The following SEZ6L variants were observed in gnomAD, a reference collection of about 807,000 sequenced individuals.
SEZ6L encodes seizure 6-like protein.
A neutral mutation model predicts 106.2 loss-of-function variants in SEZ6L; 37 were observed. That is an observed-to-expected ratio of 0.35 (90% CI 0.27 to 0.46). The LOEUF (loss-of-function observed/expected upper bound fraction) is 0.46, where lower values mean the gene tolerates loss of function less well. Ranked by LOEUF, SEZ6L falls within the 20% of genes least tolerant of loss-of-function variation. SEZ6L has a pLI of 1.00. For missense variants in SEZ6L, 1,172 were observed against 1,332.8 expected (o/e 0.88, Z 1.88); for synonymous variants, 541 against 570.4 (o/e 0.95, Z 0.73).
chr22:26,373,670 C>G (rs1293304677), intron 14 of SEZ6L, among the ~76,000 whole-genome samples, 187 bp downstream of exon 14: 3 of 152,016 alleles, frequency 2.0e-5, no homozygotes, highest in Non-Finnish European at 4.4e-5. Flanking sequence ...AAGTCAGGAC[C>G]CTAACAATAA....
chr22:26,340,118 C>G (rs2082779564), intron 9 of SEZ6L, among the ~76,000 whole-genome samples: 1 of 152,102 alleles, frequency 6.6e-6, no homozygotes, highest in Admixed American at 6.5e-5. Context: ...CACCTGTAGT[C>G]CCAGCTACTC....
intron 1 of SEZ6L, among the ~76,000 whole-genome samples, chr22:26,196,495 G>T (rs1018912583): frequency 6.6e-6 from 1 of 152,300 alleles, no homozygotes; most frequent in East Asian, 1.9e-4. Flanking sequence ...TCAGAAATGG[G>T]GTGGAAGACA....
At chr22:26,345,376 C>T (rs2082973032) in intron 10 of SEZ6L, among the ~76,000 whole-genome samples, 1 of 152,152 alleles carries the variant, frequency 6.6e-6, no homozygotes. Context: ...ACAGGAGGTC[C>T]CACGGGAGCG....
intron 1 of SEZ6L, among the ~76,000 whole-genome samples, chr22:26,190,054 G>A (rs1252460384): frequency 1.3e-5 from 2 of 150,816 alleles, no homozygotes; most frequent in African/African-American, 2.4e-5. Context: ...CCAAGATGGC[G>A]CCACTGCACT....
chr22:26,346,922 A>G (rs761552542), intron 10 of SEZ6L, among the ~76,000 whole-genome samples: 1 of 152,144 alleles, frequency 6.6e-6, no homozygotes, highest in Non-Finnish European at 1.5e-5. Flanking sequence ...TGCTGGGCAC[A>G]GTGGCTCATG....
At chr22:26,205,381 T>G (rs1941222416) in intron 1 of SEZ6L, among the ~76,000 whole-genome samples, 1 of 152,234 alleles carries the variant, frequency 6.6e-6, no homozygotes, top group African/African-American at 2.4e-5. Context: ...TAAAATGTGC[T>G]CCCCACTCCT....
At chr22:26,369,265 G>A (rs4293647) in intron 13 of SEZ6L, among the ~76,000 whole-genome samples, 85,391 of 149,398 alleles carry the variant, frequency 0.57, 25,294 homozygotes, top group East Asian at 0.95. Context: ...ACACTAGCAT[G>A]AGGGTTGCAA....
At chr22:26,185,391 C>T (rs1347463222) in intron 1 of SEZ6L, among the ~76,000 whole-genome samples, 1 of 152,138 alleles carries the variant, frequency 6.6e-6, no homozygotes, top group East Asian at 1.9e-4. Context: ...TGCTGTGTGA[C>T]CTTGGGCCCA....
chr22:26,380,266 G>A lies in SEZ6L; in HGVS notation c.3046G>A (p.Glu1016Lys). The A allele has an allele frequency of 6.2e-7, 1 of 1,613,632 alleles. No individual in the cohort carries two copies. Among genetic ancestry groups the A allele is most frequent in the Non-Finnish European group, 8.5e-7 (1 of 1,179,648 alleles). Residue 1016 changes from glutamate to lysine, a missense_variant and splice_region_variant, in exon 17 of 17, where the codon GAA (glutamate) becomes AAA (lysine). Glu to Lys is a moderately conservative substitution (Grantham distance 56, BLOSUM62 1). This residue lies in a region of SEZ6L where 141 missense variants were observed against 176.0 expected (regional missense o/e 0.80). Coordinates refer to ENST00000248933, the MANE Select transcript of SEZ6L (RefSeq NM_021115.5). ...AAATCCGTGCTTCTCTCTCTTGCAG[G>A]AAACCAGAGAGTATGAGGTTTCTAT... ...EFDNPIYETG[E>K]TREYEVSI
intron 12 of SEZ6L, 181 bp downstream of exon 12, chr22:26,351,424 A>G: frequency 1.9e-6 from 1 of 526,738 alleles, no homozygotes; most frequent in Admixed American, 3.6e-5. Context: ...TAACATTTAC[A>G]GTAAATTTAT....
chr22:26,372,389 A>G (rs669318), intron 13 of SEZ6L, among the ~76,000 whole-genome samples: 96,974 of 152,094 alleles, frequency 0.64, 32,606 homozygotes, highest in East Asian at 0.98. Context: ...ATCTTGGGGC[A>G]GGACCATCTG....
chr22:26,169,687 G>A lies in SEZ6L; in HGVS notation c.18G>A (p.Pro6=). The A allele has an allele frequency of 7.6e-6, 10 of 1,315,410 alleles. No individual in the cohort carries two copies. Among genetic ancestry groups the A allele is most frequent in the South Asian group, 4.2e-5 (2 of 47,436 alleles). 81.5% of individuals were successfully genotyped at this position (1,315,410 alleles called of 1,614,324 possible). A position where few individuals can be genotyped will look rare whatever the true frequency, so the allele number is the denominator to read the frequency against. The change falls in exon 1 of 17, where the codon CCG becomes CCA. Residue 6 remains proline, a synonymous_variant. Transcript: ENST00000248933. MPAAR[P]PAAGLRGISL... is the part of the protein sequence containing the mutation. Reference sequence around the variant, plus strand: ...CAGCCACGATGCCCGCGGCCCGGCCGCCCGCCGCGGGACTCCGCGGGATCT... The same window carrying A: ...CAGCCACGATGCCCGCGGCCCGGCCACCCGCCGCGGGACTCCGCGGGATCT...
At chr22:26,281,122 T>C (rs1453084896) in intron 1 of SEZ6L, among the ~76,000 whole-genome samples, 1 of 152,208 alleles carries the variant, frequency 6.6e-6, no homozygotes, top group African/African-American at 2.4e-5. Context: ...AGGAGGGCTC[T>C]GCCCTCACAA....
rs995245162 is a variant in SEZ6L, at chr22:26,208,168, G to T, written c.94+38405G>T. Among the ~76,000 whole-genome samples, 54 of 152,104 alleles carry T rather than the reference G, an allele frequency of 3.6e-4. 1 individual carries two copies. Among genetic ancestry groups the T allele is most frequent in the Admixed American group, 1.3e-4 (2 of 15,276 alleles). ...CTGACCTCGTGATCCGCCCGTCTCG[G>T]CCTCCCAAAGTGCTGGGATTACAGG... On this transcript the variant is annotated intron_variant, in intron 1 of 16. Transcript: ENST00000248933.
chr22:26,228,930 T>C (rs761242401), intron 1 of SEZ6L, among the ~76,000 whole-genome samples: 24 of 152,192 alleles, frequency 1.6e-4, no homozygotes, highest in Non-Finnish European at 1.5e-5. Context: ...TCTTGAGGGA[T>C]TACCTATGAC....
At position 26,297,056 on chromosome 22, in the gene SEZ6L, G is replaced by C. The variant is rs1012071286; in HGVS notation, c.1138G>C (p.Gly380Arg). 6.2e-7 allele frequency: 1 copy of C among 1,613,196 alleles called. No individual in the cohort carries two copies. Among genetic ancestry groups the C allele is most frequent in the Non-Finnish European group, 8.5e-7 (1 of 1,179,542 alleles). Residue 380 changes from glycine to arginine, a missense_variant, in exon 4 of 17, where the codon GGG becomes CGG. Coordinates refer to ENST00000248933, the MANE Select transcript of SEZ6L (RefSeq NM_021115.5). ...CCGGACCTTCCAGGACGACGGCCTTGGGACCTTCCAGCTTCACTACCAGGG... is the reference window on the plus strand; with the variant it reads ...CCGGACCTTCCAGGACGACGGCCTTCGGACCTTCCAGCTTCACTACCAGGG... ...YFRTFQDDGL[G>R]TFQLHYQAFM... is the part of the protein sequence containing the mutation.
chr22:26,325,188 C>T (rs548178863), intron 9 of SEZ6L, among the ~76,000 whole-genome samples: 7 of 152,270 alleles, frequency 4.6e-5, no homozygotes, highest in South Asian at 4.2e-4. Flanking sequence ...GTGGCACAGC[C>T]GCACGTCTGC....
chr22:26,350,404 T>C lies in SEZ6L; in HGVS notation c.2408-648T>C, dbSNP rs376823204. Among the ~76,000 whole-genome samples the C allele has an allele frequency of 2.0e-5, 3 of 151,744 alleles. No individual in the cohort carries two copies. In the East Asian group the frequency reaches 5.8e-4, roughly 29 times the overall value. ...CACCATGCCCCATTAATTTTTGTAT[T>C]TTTTGTAGGGACCGGATCTTGCTGT... is the stretch of plus-strand genomic sequence containing the variant. On this transcript the variant is annotated intron_variant, in intron 11 of 16. Transcript: ENST00000248933.
chr22:26,180,025 C>T (rs1182709743), intron 1 of SEZ6L, among the ~76,000 whole-genome samples: 1 of 152,208 alleles, frequency 6.6e-6, no homozygotes, highest in Non-Finnish European at 1.5e-5. Context: ...CCATATTGGA[C>T]AGCATGGAGA....
Sources: allele counts gnomAD v4.1 joint callset (sites outside exome capture counted in the v4.1 genomes callset), GRCh38; gene constraint gnomAD v4.1.1; regional missense constraint gnomAD v4.1.1; transcripts MANE v1.5; gene names NCBI Gene and HGNC (gene_info 2026-07-23, HGNC 2026-07-21).